Variants in FRMD4B observed in about 807,000 individuals in gnomAD.
FRMD4B encodes the protein FERM domain containing 4B.
In FRMD4B, 74 loss-of-function variants were observed where a neutral mutation model predicts 141.5. That is an observed-to-expected ratio of 0.52 (90% CI 0.43 to 0.63). The LOEUF (loss-of-function observed/expected upper bound fraction) is 0.63. Ranked by LOEUF, FRMD4B falls within the 30% of genes least tolerant of loss-of-function variation. The probability of loss-of-function intolerance (pLI) is 0.00; values close to 1 mark genes in which losing one functional copy is unlikely to be tolerated. For missense variants in FRMD4B, 1,366 were observed against 1,253.4 expected (o/e 1.09, Z -1.36); for synonymous variants, 506 against 467.9 (o/e 1.08, Z -1.05).
At chr3:69,491,114 A>G (rs1473211261) in intron 1 of FRMD4B, among the ~76,000 whole-genome samples, 1 of 152,242 alleles carries the variant, frequency 6.6e-6, no homozygotes, top group Non-Finnish European at 1.5e-5. Flanking sequence ...GAGAAAAGCA[A>G]CAAAGACTAA....
At chr3:69,182,850 CT>C in intron 19 of FRMD4B, 133 bp from the exon 20 acceptor site, 3 of 804,124 alleles carry the variant, frequency 3.7e-6, no homozygotes, top group Non-Finnish European at 5.9e-6. Context: ...GGAAGAGTGT[CT>C]TTGTGGTTCA....
chr3:69,520,968 T>A (rs1700845894), intron 1 of FRMD4B, among the ~76,000 whole-genome samples: 1 of 152,032 alleles, frequency 6.6e-6, no homozygotes, highest in African/African-American at 2.4e-5. Flanking sequence ...GATATTCCCA[T>A]GAGAATAACC....
At chr3:69,258,222 TC>T (rs1416036449) in intron 5 of FRMD4B, among the ~76,000 whole-genome samples, 1 of 152,174 alleles carries the variant, frequency 6.6e-6, no homozygotes, top group Non-Finnish European at 1.5e-5. Context: ...TCCCTCAGCT[TC>T]CCAAAGTGCT....
intron 1 of FRMD4B, among the ~76,000 whole-genome samples, chr3:69,518,523 G>A (rs987168296): frequency 1.3e-5 from 2 of 152,128 alleles, no homozygotes; most frequent in African/African-American, 4.8e-5. Flanking sequence ...ATAGAATTTG[G>A]CACTAGAAAT....
chr3:69,533,034 A>G (rs1188871188), intron 1 of FRMD4B, among the ~76,000 whole-genome samples: 1 of 152,262 alleles, frequency 6.6e-6, no homozygotes, highest in Non-Finnish European at 1.5e-5. Flanking sequence ...CAACACATTC[A>G]GTGTTTATTT....
chr3:69,423,687 A>C (rs1705022634), intron 2 of FRMD4B, among the ~76,000 whole-genome samples: 1 of 152,168 alleles, frequency 6.6e-6, no homozygotes, highest in Admixed American at 6.5e-5. Context: ...GTCCTCATGA[A>C]CGGGATTAGT....
intron 1 of FRMD4B, among the ~76,000 whole-genome samples, chr3:69,359,103 G>A (rs2107459154): frequency 6.6e-6 from 1 of 152,348 alleles, no homozygotes; most frequent in African/African-American, 2.4e-5. Flanking sequence ...GTGCTAAGTG[G>A]TGGGGGAACA....
intron 6 of FRMD4B, among the ~76,000 whole-genome samples, chr3:69,249,698 T>C (rs2093448874): frequency 6.6e-6 from 1 of 152,110 alleles, no homozygotes; most frequent in Non-Finnish European, 1.5e-5. Flanking sequence ...CACAAGAAAA[T>C]GTATACAAAA....
intron 1 of FRMD4B, among the ~76,000 whole-genome samples, chr3:69,460,018 T>A (rs1174721741): frequency 6.6e-6 from 1 of 152,212 alleles, no homozygotes; most frequent in African/African-American, 2.4e-5. Context: ...AGTAAGGCAC[T>A]AGTAAATGTT....
At chr3:69,265,267 AAAATATATATATATATATATAT>A (rs1559762896) in intron 5 of FRMD4B, among the ~76,000 whole-genome samples, 1 of 23,714 alleles carries the variant, frequency 4.2e-5, no homozygotes, top group East Asian at 1.6e-3. Flanking sequence ...AAAAAAAAAA[AAAATATATATATATATATATAT>A]ATATATATAT....
intron 1 of FRMD4B, among the ~76,000 whole-genome samples, chr3:69,524,342 A>G (rs1350102730): frequency 6.6e-6 from 1 of 152,212 alleles, no homozygotes. Context: ...TTCTTACTCT[A>G]TGTCACCCAG....
At chr3:69,402,429 T>C (rs935022943) in intron 2 of FRMD4B, among the ~76,000 whole-genome samples, 1 of 152,234 alleles carries the variant, frequency 6.6e-6, no homozygotes, top group Admixed American at 6.5e-5. Context: ...GATTTCCTTA[T>C]GACATATGAA....
intron 4 of FRMD4B, among the ~76,000 whole-genome samples, chr3:69,290,353 T>C (rs1700832773): frequency 6.6e-6 from 1 of 152,000 alleles, no homozygotes; most frequent in Non-Finnish European, 1.5e-5. Context: ...GCAGAAGCCA[T>C]GAAGTAGAGA....
chr3:69,392,908 C>T (rs1041400427), intron 2 of FRMD4B, among the ~76,000 whole-genome samples: 1 of 152,090 alleles, frequency 6.6e-6, no homozygotes, highest in Non-Finnish European at 1.5e-5. Context: ...TTTCTTTCAT[C>T]TTTCCCTTTG....
chr3:69,189,244 A>G (rs1196184954), intron 18 of FRMD4B, among the ~76,000 whole-genome samples: 3 of 150,866 alleles, frequency 2.0e-5, no homozygotes. Flanking sequence ...AAAAAAAAAA[A>G]AAGAGAGAGA....
chr3:69,239,296 G>C (rs1345573679), intron 7 of FRMD4B, among the ~76,000 whole-genome samples: 6 of 152,208 alleles, frequency 3.9e-5, no homozygotes, highest in Non-Finnish European at 5.9e-5. Flanking sequence ...GAAGTGCAGT[G>C]TCCTCTCAGC....
intron 2 of FRMD4B, among the ~76,000 whole-genome samples, chr3:69,398,150 T>C (rs1004492926): frequency 2.0e-5 from 3 of 152,196 alleles, no homozygotes; most frequent in Non-Finnish European, 4.4e-5. Context: ...TACTAAATTA[T>C]TGACAGTACT....
At chr3:69,238,733 C>T (rs1168853579) in intron 7 of FRMD4B, among the ~76,000 whole-genome samples, 1 of 152,178 alleles carries the variant, frequency 6.6e-6, no homozygotes, top group African/African-American at 2.4e-5. Flanking sequence ...TGCAGTGATC[C>T]ATGATCATGC....
At chr3:69,330,647 C>CTTTT (rs59308674) in intron 1 of FRMD4B, among the ~76,000 whole-genome samples, 4 of 147,228 alleles carry the variant, frequency 2.7e-5, no homozygotes, top group African/African-American at 1.0e-4. Flanking sequence ...GCCTGGCCGC[C>CTTTT]TTTTTTTTTT....
Sources: allele counts gnomAD v4.1 joint callset (sites outside exome capture counted in the v4.1 genomes callset), GRCh38; gene constraint gnomAD v4.1.1; transcripts MANE v1.5; gene names NCBI Gene and HGNC (gene_info 2026-07-23, HGNC 2026-07-21).